Variants in RBM6 observed in about 807,000 individuals in gnomAD.
RBM6 encodes RNA binding motif protein 6, also known as RNA-binding protein 6.
In RBM6, 23 loss-of-function variants were observed where a neutral mutation model predicts 140.4. The ratio of observed to expected loss-of-function variants is 0.16; its 90% CI spans 0.12 to 0.23. The LOEUF (loss-of-function observed/expected upper bound fraction) is 0.23, where lower values mean the gene tolerates loss of function less well. Ranked by LOEUF, RBM6 falls within the 10% of genes least tolerant of loss-of-function variation. The pLI is 1.00. For missense variants in RBM6, 1,139 were observed against 1,386.7 expected (o/e 0.82, Z 2.84); for synonymous variants, 439 against 475.6 (o/e 0.92, Z 1.00).
chr3:50,073,525 A>G (rs577585473), intron 19 of RBM6, among the ~76,000 whole-genome samples: 2 of 152,298 alleles, frequency 1.3e-5, no homozygotes, highest in Admixed American at 6.5e-5. Context: ...TCACCTCTCA[A>G]TACTGTTGCA....
rs1264294903 is a variant in RBM6 at position 50,046,999 on chromosome 3, G to T, written c.1558-1246G>T. On this transcript the variant is annotated intron_variant, in intron 6 of 20. Coordinates refer to ENST00000266022, the MANE Select transcript of RBM6 (RefSeq NM_005777.3). Reference sequence around the variant, plus strand: ...CTTAGTAAGTGCTTAATAAATGTTAGCGATTTTTATTATCATTGTCCTTAG... The same window carrying T: ...CTTAGTAAGTGCTTAATAAATGTTATCGATTTTTATTATCATTGTCCTTAG... The T allele has an allele frequency of 1.5e-5, 3 of 195,138 alleles. No individual in the cohort carries two copies. The East Asian group carries it at 5.6e-4, about 36-fold the overall frequency. The allele number at this position is 195,138 out of a possible 1,614,324, so 12.1% of individuals were successfully genotyped here.
intron 10 of RBM6, 48 bp downstream of exon 10, chr3:50,058,610 A>C: frequency 6.5e-7 from 1 of 1,528,978 alleles, no homozygotes; most frequent in Non-Finnish European, 9.0e-7. Context: ...TGGCTAAAGA[A>C]CCTTCAAGAA....
intron 8 of RBM6, 119 bp from the exon 9 acceptor site, chr3:50,057,609 A>AAAT: frequency 9.7e-6 from 5 of 517,138 alleles, no homozygotes; most frequent in Non-Finnish European, 1.6e-5. Flanking sequence ...AAAAAAAAAA[A>AAAT]GGCATTCCAG....
At chr3:50,026,112 A>G (rs2087802536) in intron 6 of RBM6, among the ~76,000 whole-genome samples, 2 of 151,086 alleles carry the variant, frequency 1.3e-5, no homozygotes, top group African/African-American at 4.9e-5. Flanking sequence ...TTTGAGACGG[A>G]ATCTCGCCGT....
chr3:49,968,770 C>CTTTTTTT lies in RBM6; in HGVS notation c.1323+44_1323+50dup, dbSNP rs569224640. Reference sequence around the variant, plus strand: ...TCAGGTATGTTGATGGGGTGGATTGCTTTTTTTTTTTTTTTTTTTTTTTTT... The same window carrying CTTTTTTT: ...TCAGGTATGTTGATGGGGTGGATTGCTTTTTTTTTTTTTTTTTTTTTTTTTTTTTTTT... On this transcript the variant is annotated intron_variant, in intron 3 of 20. Transcript: ENST00000266022. The CTTTTTTT allele has an allele frequency of 1.4e-4, 97 of 700,088 alleles. 8 individuals are homozygous for CTTTTTTT. The African/African-American group carries it at 2.5e-3, about 18-fold the overall frequency. The allele number at this position is 700,088 out of a possible 1,614,324, so 43.4% of individuals were successfully genotyped here.
chr3:49,988,223 C>A (rs1281952291), intron 5 of RBM6, among the ~76,000 whole-genome samples: 1 of 152,104 alleles, frequency 6.6e-6, no homozygotes, highest in Non-Finnish European at 1.5e-5. Context: ...CTTGTCTCTG[C>A]AACCTCAATC....
chr3:49,998,714 T>C (rs1180140407), intron 5 of RBM6, among the ~76,000 whole-genome samples: 1 of 152,266 alleles, frequency 6.6e-6, no homozygotes, highest in Non-Finnish European at 1.5e-5. Flanking sequence ...TAACAACTGC[T>C]GTCTTTCTCC....
At chr3:50,020,174 C>G (rs1232100580) in intron 6 of RBM6, among the ~76,000 whole-genome samples, 1 of 152,166 alleles carries the variant, frequency 6.6e-6, no homozygotes, top group African/African-American at 2.4e-5. Flanking sequence ...CAGTCTTCAC[C>G]TTGGCCTCCC....
At chr3:50,016,808 T>A (rs2108782210) in intron 6 of RBM6, among the ~76,000 whole-genome samples, 1 of 148,510 alleles carries the variant, frequency 6.7e-6, no homozygotes, top group South Asian at 2.1e-4. Flanking sequence ...GTAGCTGGTG[T>A]GTCACCATGC....
chr3:50,061,704 A>G, intron 14 of RBM6, 157 bp downstream of exon 14: 1 of 1,437,130 alleles, frequency 7.0e-7, no homozygotes, highest in Non-Finnish European at 9.1e-7. Context: ...CTATGGAAAC[A>G]GAACTGTTGC....
At chr3:50,075,868 C>T (rs909293119) in intron 20 of RBM6, among the ~76,000 whole-genome samples, 2 of 152,114 alleles carry the variant, frequency 1.3e-5, no homozygotes, top group Non-Finnish European at 2.9e-5. Context: ...TCTCTCCTAC[C>T]GAGTTTCTCA....
chr3:49,984,629 TC>T (rs2085473118), intron 5 of RBM6, among the ~76,000 whole-genome samples: 1 of 46,640 alleles, frequency 2.1e-5, no homozygotes, highest in Non-Finnish European at 6.2e-5. Context: ...TCGCATCGCA[TC>T]GCATCGCATC....
At chr3:50,063,737 C>T (rs1241550239) in intron 15 of RBM6, among the ~76,000 whole-genome samples, 1 of 151,908 alleles carries the variant, frequency 6.6e-6, no homozygotes, top group African/African-American at 2.4e-5. Context: ...CCCATCTCTA[C>T]TAAAAAGACA....
At chr3:50,042,775 AT>A (rs2089003248) in intron 6 of RBM6, among the ~76,000 whole-genome samples, 1 of 152,006 alleles carries the variant, frequency 6.6e-6, no homozygotes, top group Non-Finnish European at 1.5e-5. Context: ...ACTATCCTTG[AT>A]GATTGGTTTT....
intron 6 of RBM6, among the ~76,000 whole-genome samples, chr3:50,016,480 G>C (rs958529231): frequency 2.0e-5 from 3 of 150,038 alleles, no homozygotes; most frequent in Admixed American, 6.8e-5. Flanking sequence ...GGGACTGCTA[G>C]ATCATATGGT....
At chr3:50,025,445 G>A (rs13071931) in intron 6 of RBM6, among the ~76,000 whole-genome samples, 33,048 of 150,422 alleles carry the variant, frequency 0.22, 3,911 homozygotes, top group Middle Eastern at 0.27. Context: ...AAAACACCAC[G>A]GAATTGTTAT....
At chr3:50,055,571 T>C (rs1333859236) in intron 8 of RBM6, among the ~76,000 whole-genome samples, 1 of 152,190 alleles carries the variant, frequency 6.6e-6, no homozygotes, top group Non-Finnish European at 1.5e-5. Flanking sequence ...TATATTGTTA[T>C]TTGGAATACA....
At chr3:49,971,989 A>G (rs1324069248) in intron 3 of RBM6, 70 bp from the exon 4 acceptor site, 3 of 1,209,206 alleles carry the variant, frequency 2.5e-6, no homozygotes, top group African/African-American at 1.5e-5. Flanking sequence ...TGAGTGGCTA[A>G]ATTTCATGTT....
intron 15 of RBM6, among the ~76,000 whole-genome samples, chr3:50,062,857 A>G (rs890076151): frequency 3.4e-5 from 5 of 145,022 alleles, no homozygotes; most frequent in African/African-American, 1.0e-4. Context: ...TCTCTCCTAC[A>G]TTATTTGTCT....
Sources: gnomAD v4.1 joint callset for allele counts (sites outside exome capture counted in the v4.1 genomes callset) on GRCh38, gnomAD v4.1.1 for gene constraint, MANE v1.5 for transcripts, NCBI Gene and HGNC (gene_info 2026-07-23, HGNC 2026-07-21) for gene names.